The following MAPKAPK2 variants were observed in gnomAD, a reference collection of about 807,000 sequenced individuals.
MAPKAPK2 encodes the protein MAP kinase-activated protein kinase 2.
In MAPKAPK2, 9 loss-of-function variants were observed where a neutral mutation model predicts 48.8. The observed-to-expected ratio is 0.18, with a 90% confidence interval of 0.11 to 0.32. The LOEUF (loss-of-function observed/expected upper bound fraction) is 0.32. Ranked by LOEUF, MAPKAPK2 falls within the 10% of genes least tolerant of loss-of-function variation. The pLI is 1.00. For synonymous variants in MAPKAPK2, 202 were observed against 190.6 expected (o/e 1.06, Z -0.49); for missense variants, 331 against 498.3 (o/e 0.66, Z 3.20).
At chr1:206,730,664 C>T in intron 5 of MAPKAPK2, 24 bp from the exon 6 acceptor site, 2 of 1,608,166 alleles carry the variant, frequency 1.2e-6, no homozygotes, top group Non-Finnish European at 1.7e-6. Context: ...GGCCGGCCCA[C>T]CCATGTTGAC....
At chr1:206,692,719 G>A (rs967219222) in intron 1 of MAPKAPK2, among the ~76,000 whole-genome samples, 4 of 152,196 alleles carry the variant, frequency 2.6e-5, no homozygotes, top group African/African-American at 4.8e-5. Context: ...CAAGCTGTGC[G>A]CTCATTCTGC....
chr1:206,691,109 TCTTGACTC>T lies in MAPKAPK2; in HGVS notation c.279+5606_279+5613del, dbSNP rs576374411. Among the ~76,000 whole-genome samples the T allele has an allele frequency of 4.1e-3, 617 of 152,314 alleles. 3 individuals carry two copies. The highest frequency in any genetic ancestry group is 0.013 in the African/African-American group (532 of 41,566). On this transcript the variant is annotated intron_variant, in intron 1 of 9. Transcript: ENST00000367103. ...AGAACCCACACTCCCTGGTCATCTT[TCTTGACTC>T]CTTGCACATCACTGAGGAAGAAGCT...
intron 1 of MAPKAPK2, among the ~76,000 whole-genome samples, chr1:206,702,009 T>C (rs193082943): frequency 6.6e-6 from 1 of 152,254 alleles, no homozygotes; most frequent in East Asian, 1.9e-4. Context: ...AATCCAAGAC[T>C]CTTCAGAGGA....
At position 206,731,046 on chromosome 1, in the gene MAPKAPK2, A is replaced by G. The variant is rs1673885848; in HGVS notation, c.768-92A>G. 6.5e-7 allele frequency: 1 copy of G among 1,531,904 alleles called. No individual in the cohort carries two copies. Among genetic ancestry groups the G allele is most frequent in the African/African-American group, 1.4e-5 (1 of 73,438 alleles). The allele number at this position is 1,531,904 out of a possible 1,614,324, so 94.9% of individuals were successfully genotyped here. Reference sequence around the variant, plus strand: ...CCCTGATTTCTCTGTGACCTTTACAAGGAGAAGAGCCTGTTTCTCATCCTG... The same window carrying G: ...CCCTGATTTCTCTGTGACCTTTACAGGGAGAAGAGCCTGTTTCTCATCCTG... On this transcript the variant is annotated intron_variant, in intron 6 of 9. Transcript: ENST00000367103. This position sits in a 1 kb window ranked among gnomAD's most constrained non-coding sequence, Gnocchi z 5.9.
At chr1:206,717,324 A>G (rs893612444) in intron 1 of MAPKAPK2, among the ~76,000 whole-genome samples, 1 of 152,210 alleles carries the variant, frequency 6.6e-6, no homozygotes, top group Non-Finnish European at 1.5e-5. Context: ...AATATTTGCT[A>G]TATATAAAGT....
intron 1 of MAPKAPK2, among the ~76,000 whole-genome samples, chr1:206,694,370 G>A (rs1240488758): frequency 6.6e-6 from 1 of 152,166 alleles, no homozygotes; most frequent in African/African-American, 2.4e-5. Context: ...CTCCCCTGGG[G>A]CCACATTTCC....
intron 1 of MAPKAPK2, among the ~76,000 whole-genome samples, chr1:206,692,265 T>C (rs1672485957): frequency 6.6e-6 from 1 of 152,104 alleles, no homozygotes; most frequent in African/African-American, 2.4e-5. Flanking sequence ...TGGTTATGGA[T>C]TAGGGGTTGT....
rs781996049 is a variant in MAPKAPK2 at position 206,732,452 on chromosome 1, C to T, written c.1060-123C>T. Reference sequence around the variant, plus strand: ...CTAACCAGCCCGTCTTCTCTCTCTGCTCCCACCCCTGCCGCCCTCACCCTG... The same window carrying T: ...CTAACCAGCCCGTCTTCTCTCTCTGTTCCCACCCCTGCCGCCCTCACCCTG... On this transcript the variant is annotated intron_variant, in intron 9 of 9. Coordinates refer to ENST00000367103, the MANE Select transcript of MAPKAPK2 (RefSeq NM_032960.4). The surrounding 1 kb of genome is among the most constrained non-coding windows in gnomAD (Gnocchi z 4.4). 2.7e-6 allele frequency: 4 copies of T among 1,506,766 alleles called. No individual in the cohort carries two copies. Among genetic ancestry groups the T allele is most frequent in the Non-Finnish European group, 8.9e-7 (1 of 1,125,884 alleles). The allele number at this position is 1,506,766 out of a possible 1,614,324, so 93.3% of individuals were successfully genotyped here. A position where few individuals can be genotyped will look rare whatever the true frequency, so the allele number is the denominator to read the frequency against.
chr1:206,729,347 T>C, intron 3 of MAPKAPK2, 49 bp from the exon 4 acceptor site: 1 of 1,475,570 alleles, frequency 6.8e-7, no homozygotes. Context: ...AGCCTAATGA[T>C]GTGTCTTTGT....
At chr1:206,694,504 C>T (rs782710888) in intron 1 of MAPKAPK2, among the ~76,000 whole-genome samples, 5 of 152,098 alleles carry the variant, frequency 3.3e-5, no homozygotes, top group Non-Finnish European at 7.4e-5. Context: ...ATAGCCATAC[C>T]CTCTGTCTTT....
intron 1 of MAPKAPK2, among the ~76,000 whole-genome samples, chr1:206,724,762 G>A (rs782535703): frequency 4.6e-5 from 7 of 152,138 alleles, no homozygotes; most frequent in Admixed American, 2.0e-4. Flanking sequence ...GAATGAGGGG[G>A]TGTTAGCTCA....
At chr1:206,723,009 A>G (rs1673580487) in intron 1 of MAPKAPK2, among the ~76,000 whole-genome samples, 1 of 152,224 alleles carries the variant, frequency 6.6e-6, no homozygotes, top group Non-Finnish European at 1.5e-5. Flanking sequence ...TTGCCAACAC[A>G]TACCGCACCA....
intron 1 of MAPKAPK2, among the ~76,000 whole-genome samples, chr1:206,713,602 C>T (rs1553429864): frequency 6.6e-6 from 1 of 152,174 alleles, no homozygotes. Context: ...CATGGTGGCT[C>T]ATGCCTGTAA....
intron 1 of MAPKAPK2, among the ~76,000 whole-genome samples, chr1:206,708,737 A>G (rs575683200): frequency 1.4e-3 from 208 of 152,288 alleles, no homozygotes; most frequent in African/African-American, 4.9e-3. Context: ...AAAAAGTTTT[A>G]TTACCTAATT....
intron 1 of MAPKAPK2, among the ~76,000 whole-genome samples, chr1:206,713,751 A>C (rs1673232590): frequency 6.6e-6 from 1 of 152,210 alleles, no homozygotes; most frequent in Admixed American, 6.5e-5. Context: ...CTGTAGTCCC[A>C]GCTAGTCAGG....
Position 206,731,782 on chromosome 1 carries a change from G to A in MAPKAPK2, c.978+57G>A, listed in dbSNP as rs1399192637. The A allele has an allele frequency of 1.2e-5, 20 of 1,611,782 alleles. No homozygotes were observed. Among genetic ancestry groups the A allele is most frequent in the African/African-American group, 2.7e-5 (2 of 74,862 alleles). Reference sequence around the variant, plus strand: ...TCACGGGACTATTCCACAGGACAGAGTCTTAGCCAGGACCCTACCCCAGGC... The same window carrying A: ...TCACGGGACTATTCCACAGGACAGAATCTTAGCCAGGACCCTACCCCAGGC... On this transcript the variant is annotated intron_variant, in intron 8 of 9. Coordinates refer to ENST00000367103, the MANE Select transcript of MAPKAPK2 (RefSeq NM_032960.4). The surrounding 1 kb of genome is among the most constrained non-coding windows in gnomAD (Gnocchi z 5.9).
chr1:206,685,180 A>C lies in MAPKAPK2; in HGVS notation c.-50A>C. 1 of 263,098 alleles carries C rather than the reference A, an allele frequency of 3.8e-6. No homozygotes were observed. The highest frequency in any genetic ancestry group is 5.6e-5 in the Admixed American group (1 of 17,826). 16.3% of individuals were successfully genotyped at this position (263,098 alleles called of 1,614,324 possible). The stretch of plus-strand genomic sequence containing the variant: ...CGGGGAGGGGGCCCGGAGCCGGAGG[A>C]GGGGGCGGCCGCGGGCACCCCCGCC... On this transcript the variant is annotated 5_prime_UTR_variant, in exon 1 of 10. Coordinates refer to ENST00000367103, the MANE Select transcript of MAPKAPK2 (RefSeq NM_032960.4).
rs576694829 is a variant in MAPKAPK2, at chr1:206,696,363, A to G, written c.279+10855A>G. The G allele has an allele frequency of 1.3e-5, 9 of 682,796 alleles. No homozygotes were observed. The African/African-American group carries it at 1.4e-4, about 11-fold the overall frequency. The allele number at this position is 682,796 out of a possible 1,614,324, so 42.3% of individuals were successfully genotyped here. A position where few individuals can be genotyped will look rare whatever the true frequency, so the allele number is the denominator to read the frequency against. On this transcript the variant is annotated intron_variant, in intron 1 of 9. Coordinates refer to ENST00000367103, the MANE Select transcript of MAPKAPK2 (RefSeq NM_032960.4). ...AAATCCCCTGAAAACCTACATCTTC[A>G]TTATTTTTGTGTCCTCTTATTTTCA...
intron 1 of MAPKAPK2, 42 bp from the exon 2 acceptor site, chr1:206,728,668 C>T (rs782263969): frequency 6.3e-7 from 1 of 1,598,858 alleles, no homozygotes; most frequent in South Asian, 1.1e-5. Context: ...AGAGCAGGCC[C>T]ATGTGACAGC....
Sources: gnomAD v4.1 joint callset for allele counts (sites outside exome capture counted in the v4.1 genomes callset) on GRCh38, gnomAD v4.1.1 for gene constraint, Gnocchi (gnomAD v3.1) non-coding constraint, MANE v1.5 for transcripts, NCBI Gene and HGNC (gene_info 2026-07-23, HGNC 2026-07-21) for gene names.